The following CRAMP1 variants were observed in gnomAD, a reference collection of about 807,000 sequenced individuals.
CRAMP1 encodes the protein protein cramped-like.
A neutral mutation model predicts 115.4 loss-of-function variants in CRAMP1; 50 were observed. The observed-to-expected ratio is 0.43, with a 90% CI of 0.35 to 0.55. The LOEUF is 0.55. Among genes scored for constraint, CRAMP1 ranks in the 20% least tolerant of loss-of-function variants. CRAMP1 has a pLI of 0.01. For missense variants in CRAMP1, 1,679 were observed against 1,721.7 expected, an observed-to-expected ratio of 0.98 and a Z score of 0.44; for synonymous variants, 866 against 745.4, an observed-to-expected ratio of 1.16 and a Z score of -2.64.
chr16:1,669,244 C>A lies in CRAMP1; in HGVS notation c.3499+79C>A. 8.9e-7 allele frequency: 1 copy of A among 1,119,652 alleles called. No homozygotes were observed. 69.4% of individuals were successfully genotyped at this position (1,119,652 alleles called of 1,614,324 possible). ...GTCTGCGGGACACTGGATTCTCATT[C>A]TACTCAAACTCCCACTAGGACTGTT... On this transcript the variant is annotated intron_variant, in intron 19 of 20. Transcript: ENST00000397412. The surrounding 1 kb of genome is among the most constrained non-coding windows in gnomAD (Gnocchi z 4.6).
At chr16:1,649,420 A>C (rs2036703992) in intron 6 of CRAMP1, among the ~76,000 whole-genome samples, 1 of 152,244 alleles carries the variant, frequency 6.6e-6, no homozygotes, top group African/African-American at 2.4e-5. Context: ...ATAGCTACTG[A>C]AACCCAGCTG....
At chr16:1,660,179 C>T in intron 11 of CRAMP1, 116 bp downstream of exon 11, 1 of 817,686 alleles carries the variant, frequency 1.2e-6, no homozygotes, top group Middle Eastern at 3.7e-4. Context: ...CCCCACTGGC[C>T]AGCTCGCCAC....
rs1385127360 is a variant in CRAMP1 at position 1,614,108 on chromosome 16, C to G, written c.-1-531C>G. 5.1e-5 allele frequency among the ~76,000 whole-genome samples: 2 copies of G among 38,960 alleles called. No individual in the cohort carries two copies. Among genetic ancestry groups the G allele is most frequent in the African/African-American group, 2.1e-4 (2 of 9,550 alleles). 25.6% of individuals were successfully genotyped at this position (38,960 alleles called of 152,430 possible). On this transcript the variant is annotated intron_variant, in intron 1 of 20. Transcript: ENST00000397412. This position sits in a 1 kb window ranked among gnomAD's most constrained non-coding sequence, Gnocchi z 4.4. ...TGCGCGGGGCCCGGGAGCCCCGCGC[C>G]TTTCGGGGGGCGGGGAGGGGGTGGG...
Position 1,669,569 on chromosome 16 carries a change from T to C in CRAMP1, c.3499+404T>C, listed in dbSNP as rs1377484525. Among the ~76,000 whole-genome samples, 1 of 152,140 alleles carries C rather than the reference T, an allele frequency of 6.6e-6. No individual in the cohort carries two copies. Among genetic ancestry groups the C allele is most frequent in the Non-Finnish European group, 1.5e-5 (1 of 68,008 alleles). On this transcript the variant is annotated intron_variant, in intron 19 of 20. Coordinates refer to ENST00000397412, the MANE Select transcript of CRAMP1 (RefSeq NM_020825.4). The surrounding 1 kb of genome is among the most constrained non-coding windows in gnomAD (Gnocchi z 4.6). ...TTGGCTCTTCTCTTTCTGTGGTCAGTAAGGTATTCAGAAGTGGATGGTCCA... is the reference window on the plus strand; with the variant it reads ...TTGGCTCTTCTCTTTCTGTGGTCAGCAAGGTATTCAGAAGTGGATGGTCCA...
At chr16:1,623,522 A>G (rs965170611) in intron 2 of CRAMP1, among the ~76,000 whole-genome samples, 1 of 152,258 alleles carries the variant, frequency 6.6e-6, no homozygotes, top group African/African-American at 2.4e-5. Flanking sequence ...AAATATACCT[A>G]ATGCCAACAT....
intron 6 of CRAMP1, among the ~76,000 whole-genome samples, chr16:1,643,652 C>T (rs763911913): frequency 1.3e-5 from 2 of 152,196 alleles, no homozygotes; most frequent in Non-Finnish European, 2.9e-5. Context: ...TAGCGCCCCT[C>T]CAGCCTCATC....
intron 4 of CRAMP1, among the ~76,000 whole-genome samples, chr16:1,637,563 C>A (rs1383193949): frequency 6.6e-6 from 1 of 152,244 alleles, no homozygotes; most frequent in African/African-American, 2.4e-5. Flanking sequence ...GTTGTGTTTT[C>A]TCCTCCAGGG....
chr16:1,638,693 G>A (rs967462245), intron 5 of CRAMP1, among the ~76,000 whole-genome samples: 1 of 152,162 alleles, frequency 6.6e-6, no homozygotes, highest in Admixed American at 6.5e-5. Context: ...TCTTCAGTGG[G>A]ATACTGCACG....
rs201896175 is a variant in CRAMP1 at position 1,669,039 on chromosome 16, A to G, written c.3373A>G (p.Ser1125Gly). Residue 1125 changes from serine (S) to glycine (G), a missense_variant, in exon 19 of 21, where the codon AGT becomes GGT. Physicochemically the swap from Ser to Gly is moderately conservative, Grantham distance 56. Around this residue, in one of 8 missense-constraint regions of CRAMP1, gnomAD observed 709 missense variants for 741.9 expected, o/e 0.96. Transcript: ENST00000397412. The surrounding 1 kb of genome is among the most constrained non-coding windows in gnomAD (Gnocchi z 4.6). The part of the protein sequence containing the change: ...VPLSPAKLNG[S>G]DSSKSLPSPS... ...TCTTTCTCCAGCAAAACTGAATGGC[A>G]GTGACAGTTCCAAGAGCCTTCCCTC... 1.2e-6 allele frequency: 2 copies of G among 1,613,392 alleles called. No individual in the cohort carries two copies. Among genetic ancestry groups the G allele is most frequent in the African/African-American group, 2.7e-5 (2 of 75,028 alleles).
intron 11 of CRAMP1, 100 bp downstream of exon 11, chr16:1,660,163 G>T: frequency 9.3e-7 from 1 of 1,080,086 alleles, no homozygotes; most frequent in South Asian, 1.7e-5. Flanking sequence ...TGTGCCTGAG[G>T]CCGGACCCCA....
intron 6 of CRAMP1, among the ~76,000 whole-genome samples, chr16:1,644,150 G>A (rs12444617): frequency 0.022 from 3,342 of 152,320 alleles, 227 homozygotes; most frequent in Admixed American, 0.13. Context: ...GGGTGAGGCC[G>A]CAGCGAGAGT....
intron 13 of CRAMP1, 73 bp downstream of exon 13, chr16:1,662,908 C>G: frequency 1.7e-6 from 2 of 1,196,702 alleles, no homozygotes. Context: ...TCTTCCCTCT[C>G]TCACATTTTC....
At chr16:1,661,962 G>A (rs1205869846) in intron 11 of CRAMP1, among the ~76,000 whole-genome samples, 1 of 152,224 alleles carries the variant, frequency 6.6e-6, no homozygotes, top group Non-Finnish European at 1.5e-5. Context: ...GGAGCAGCAA[G>A]CTATAGGCCT....
Position 1,666,542 on chromosome 16 carries a change from TCTCGGGGCAGGA to T in CRAMP1, c.2982_2993del (p.Gly995_Ser998del). 1 of 1,613,894 alleles carries T rather than the reference TCTCGGGGCAGGA, an allele frequency of 6.2e-7. No homozygotes were observed. Among genetic ancestry groups the T allele is most frequent in the East Asian group, 2.2e-5 (1 of 44,876 alleles). On this transcript the variant is annotated inframe_deletion, in exon 16 of 21. Transcript: ENST00000397412. This position sits in a 1 kb window ranked among gnomAD's most constrained non-coding sequence, Gnocchi z 5.0. ...TCTTCAGACGAGGTGACGGGTGCCA[TCTCGGGGCAGGA>T]CTCTACTGGAACTCACCAGGATGGA...
rs145781471 is a variant in CRAMP1 at position 1,632,712 on chromosome 16, C to T, written c.694+347C>T. Reference sequence around the variant, plus strand: ...TGCAAATGATAGCACCATGGTCCAGCGAGGGGCTTGGGCCGCAGGCACCGT... The same window carrying T: ...TGCAAATGATAGCACCATGGTCCAGTGAGGGGCTTGGGCCGCAGGCACCGT... On this transcript the variant is annotated intron_variant, in intron 4 of 20. Transcript: ENST00000397412. Among the ~76,000 whole-genome samples the T allele has an allele frequency of 8.5e-4, 129 of 152,370 alleles. 1 individual carries two copies. The highest frequency in any genetic ancestry group is 2.8e-3 in the African/African-American group (117 of 41,598).
At chr16:1,620,020 A>G (rs1567446440) in intron 2 of CRAMP1, among the ~76,000 whole-genome samples, 1 of 152,094 alleles carries the variant, frequency 6.6e-6, no homozygotes, top group African/African-American at 2.4e-5. Flanking sequence ...GTGCATGACG[A>G]TGGAGCTGGG....
At chr16:1,655,811 C>T in intron 9 of CRAMP1, 66 bp from the exon 10 acceptor site, 1 of 1,538,256 alleles carries the variant, frequency 6.5e-7, no homozygotes, top group East Asian at 2.3e-5. Context: ...TGTCTGTACC[C>T]ATGTGCCTGG....
chr16:1,638,174 TG>T (rs2036603722), intron 5 of CRAMP1, among the ~76,000 whole-genome samples: 1 of 152,228 alleles, frequency 6.6e-6, no homozygotes, highest in Non-Finnish European at 1.5e-5. Context: ...TCCACTCGAC[TG>T]TAAGATGTCA....
intron 2 of CRAMP1, among the ~76,000 whole-genome samples, chr16:1,623,301 G>A (rs1383659203): frequency 6.6e-6 from 1 of 152,226 alleles, no homozygotes; most frequent in Non-Finnish European, 1.5e-5. Context: ...CCTCATCAGA[G>A]CTGCCTTTAC....
Sources: gnomAD v4.1 joint callset for allele counts (sites outside exome capture counted in the v4.1 genomes callset) on GRCh38, gnomAD v4.1.1 for gene constraint, gnomAD v4.1.1 regional missense constraint, Gnocchi (gnomAD v3.1) non-coding constraint, MANE v1.5 for transcripts, NCBI Gene and HGNC (gene_info 2026-07-23, HGNC 2026-07-21) for gene names.